The following CA10 variants were observed in gnomAD, a reference collection of about 807,000 sequenced individuals.
CA10 encodes the protein carbonic anhydrase-related protein 10.
Under a neutral mutation model 44.2 loss-of-function variants are expected in CA10, and 14 were observed. The ratio of observed to expected loss-of-function variants is 0.32; its 90% CI spans 0.21 to 0.50. CA10 has a LOEUF of 0.50. CA10 is among the 20% of genes least tolerant of loss of function. CA10 has a pLI of 0.99. For missense variants in CA10, 350 were observed against 409.7 expected, an observed-to-expected ratio of 0.85 and a Z score of 1.26; for synonymous variants, 159 against 141.6, an observed-to-expected ratio of 1.12 and a Z score of -0.87.
chr17:51,962,112 A>C (rs1231560467), intron 2 of CA10, among the ~76,000 whole-genome samples: 6 of 152,222 alleles, frequency 3.9e-5, no homozygotes, highest in Non-Finnish European at 8.8e-5. Flanking sequence ...ACATATTTGC[A>C]TGGATTATAA....
At chr17:51,861,019 A>T (rs1017446176) in intron 3 of CA10, among the ~76,000 whole-genome samples, 2 of 152,202 alleles carry the variant, frequency 1.3e-5, no homozygotes, top group Admixed American at 1.3e-4. Context: ...CATGCCATTT[A>T]TGAAGCCACT....
intron 2 of CA10, among the ~76,000 whole-genome samples, chr17:52,014,054 A>C (rs1985892125): frequency 6.6e-6 from 1 of 152,016 alleles, no homozygotes; most frequent in South Asian, 2.1e-4. Flanking sequence ...AGTATGACCA[A>C]ATATACCAGT....
chr17:51,730,293 G>T (rs1011862086), intron 4 of CA10, among the ~76,000 whole-genome samples: 1 of 152,196 alleles, frequency 6.6e-6, no homozygotes, highest in Non-Finnish European at 1.5e-5. Context: ...ATTATACAGA[G>T]TTTTGGATTA....
chr17:51,692,954 C>T lies in CA10; in HGVS notation c.466-39218G>A, dbSNP rs138809654. Reference sequence around the variant, plus strand: ...TTGAATGGTCTTGGCTGGTGTTGGCCGGTTTCAACAGGTCTTAGTCAGTTG... The same window carrying T: ...TTGAATGGTCTTGGCTGGTGTTGGCTGGTTTCAACAGGTCTTAGTCAGTTG... On this transcript the variant is annotated intron_variant, in intron 4 of 8. Coordinates refer to ENST00000451037, the MANE Select transcript of CA10 (RefSeq NM_020178.5). Among the ~76,000 whole-genome samples, 756 of 152,216 alleles carry T rather than the reference C, an allele frequency of 5.0e-3. 9 individuals carry two copies. The highest frequency in any genetic ancestry group is 0.017 in the African/African-American group (712 of 41,518).
intron 2 of CA10, among the ~76,000 whole-genome samples, chr17:52,050,991 G>GGGAAGGAAGGAAGGAA (rs528583103): frequency 6.7e-6 from 1 of 148,346 alleles, no homozygotes; most frequent in East Asian, 2.0e-4. Flanking sequence ...AGAAAAAAAA[G>GGGAAGGAAGGAAGGAA]GGAAGGAAGG....
rs576523295 is a variant in CA10 at position 51,687,780 on chromosome 17, GTTTAT to G, written c.466-34049_466-34045del. On this transcript the variant is annotated intron_variant, in intron 4 of 8. Transcript: ENST00000451037. ...ATAATATATGACAAGTTATTTGGGA[GTTTAT>G]TTTAACTTCCTCAACAAAATAAAAA... 1.8e-3 allele frequency among the ~76,000 whole-genome samples: 272 copies of G among 152,262 alleles called. 1 individual carries two copies. Among genetic ancestry groups the G allele is most frequent in the African/African-American group, 5.8e-3 (242 of 41,558 alleles).
chr17:51,924,122 A>G (rs991900544), intron 3 of CA10, among the ~76,000 whole-genome samples: 7 of 152,198 alleles, frequency 4.6e-5, no homozygotes, highest in Non-Finnish European at 1.0e-4. Context: ...GAGAGATTTC[A>G]CAGTTAGCTA....
In CA10 at chr17:51,786,206, T is replaced by TTG. The variant is rs775761105; in HGVS notation, c.280-38390_280-38389dup. 4.7e-3 allele frequency among the ~76,000 whole-genome samples: 577 copies of TTG among 123,806 alleles called. 2 individuals are homozygous for TTG. Among genetic ancestry groups the TTG allele is most frequent in the African/African-American group, 0.013 (478 of 35,888 alleles). The allele number at this position is 123,806 out of a possible 152,430, so 81.2% of individuals were successfully genotyped here. A position where few individuals can be genotyped will look rare whatever the true frequency, so the allele number is the denominator to read the frequency against. On this transcript the variant is annotated intron_variant, in intron 3 of 8. Transcript: ENST00000451037. Reference sequence around the variant, plus strand: ...GATTTTTTAATGCGTTCTAACATCTTTGTGTGTCTGTGTGTGTGTGTGTGT... The same window carrying TTG: ...GATTTTTTAATGCGTTCTAACATCTTTGTGTGTGTCTGTGTGTGTGTGTGTGT...
At chr17:51,794,319 C>T (rs1846911526) in intron 3 of CA10, among the ~76,000 whole-genome samples, 2 of 152,150 alleles carry the variant, frequency 1.3e-5, no homozygotes, top group African/African-American at 4.8e-5. Flanking sequence ...GCTGGAAGTG[C>T]CCCTTCTTCA....
In CA10 at chr17:51,792,724, G is replaced by A. The variant is rs889527734; in HGVS notation, c.280-44906C>T. Among the ~76,000 whole-genome samples, 18 of 152,166 alleles carry A rather than the reference G, an allele frequency of 1.2e-4. 1 individual carries two copies. The highest frequency in any genetic ancestry group is 5.9e-5 in the Non-Finnish European group (4 of 68,020). Reference sequence around the variant, plus strand: ...AGGCTGGTCTGCATTATACAGTGAGGAGTCATAAATCATGTGTGAGTAAAC... The same window carrying A: ...AGGCTGGTCTGCATTATACAGTGAGAAGTCATAAATCATGTGTGAGTAAAC... On this transcript the variant is annotated intron_variant, in intron 3 of 8. Transcript: ENST00000451037.
At chr17:52,083,169 G>T (rs900974387) in intron 1 of CA10, among the ~76,000 whole-genome samples, 1 of 150,852 alleles carries the variant, frequency 6.6e-6, no homozygotes, top group Non-Finnish European at 1.5e-5. Context: ...CAATTGTGGG[G>T]TTAATCTCAT....
intron 4 of CA10, among the ~76,000 whole-genome samples, chr17:51,699,173 A>C (rs1258287838): frequency 6.6e-6 from 1 of 151,926 alleles, no homozygotes; most frequent in Admixed American, 6.6e-5. Context: ...ATACAAAAAA[A>C]TTACCCAGGT....
chr17:51,878,143 CAAAAAAAAAA>C (rs558014863), intron 3 of CA10, among the ~76,000 whole-genome samples: 9 of 63,688 alleles, frequency 1.4e-4, no homozygotes, highest in Non-Finnish European at 2.4e-4. Context: ...GACTCCGTCT[CAAAAAAAAAA>C]AAAAAAAAAA....
chr17:51,774,569 A>G (rs532147229), intron 3 of CA10, among the ~76,000 whole-genome samples: 4 of 151,974 alleles, frequency 2.6e-5, no homozygotes, highest in African/African-American at 9.7e-5. Flanking sequence ...CCTCCCTAGT[A>G]GCTGGGACTA....
intron 6 of CA10, among the ~76,000 whole-genome samples, chr17:51,643,327 T>TA (rs1339846649): frequency 6.6e-6 from 1 of 152,206 alleles, no homozygotes; most frequent in Non-Finnish European, 1.5e-5. Context: ...TACACTACGT[T>TA]AAAAAATTAA....
chr17:51,947,065 A>G (rs1461828605), intron 2 of CA10, among the ~76,000 whole-genome samples: 1 of 152,210 alleles, frequency 6.6e-6, no homozygotes, highest in African/African-American at 2.4e-5. Context: ...AAATATGATG[A>G]ATGCTTCCAT....
chr17:51,653,054 G>A (rs758588431), intron 5 of CA10, among the ~76,000 whole-genome samples: 16 of 151,746 alleles, frequency 1.1e-4, no homozygotes, highest in Non-Finnish European at 1.8e-4. Context: ...TTATGTTGTC[G>A]TTGTTGACTG....
chr17:51,900,355 C>T (rs1345949068), intron 3 of CA10, among the ~76,000 whole-genome samples: 6 of 152,096 alleles, frequency 3.9e-5, no homozygotes, highest in African/African-American at 9.7e-5. Context: ...GAATATAGGC[C>T]CCCAATCTCT....
At chr17:52,145,938 A>G (rs1031866258) in intron 1 of CA10, among the ~76,000 whole-genome samples, 2 of 152,244 alleles carry the variant, frequency 1.3e-5, no homozygotes, top group African/African-American at 4.8e-5. Flanking sequence ...ATAAAAACAA[A>G]TGCCAAAAAA....
Sources: gnomAD v4.1 joint callset for allele counts (sites outside exome capture counted in the v4.1 genomes callset) on GRCh38, gnomAD v4.1.1 for gene constraint, MANE v1.5 for transcripts, NCBI Gene and HGNC (gene_info 2026-07-23, HGNC 2026-07-21) for gene names.